The following SDCCAG8 variants were observed in gnomAD, a reference collection of about 807,000 sequenced individuals.
SDCCAG8 encodes SHH signaling and ciliogenesis regulator SDCCAG8, also known as serologically defined colon cancer antigen 8.
Under a neutral mutation model 101.8 loss-of-function variants are expected in SDCCAG8, and 74 were observed. That is an observed-to-expected ratio of 0.73 (90% CI 0.60 to 0.88). The LOEUF (loss-of-function observed/expected upper bound fraction) is 0.88. Among genes scored for constraint, SDCCAG8 ranks in the 40% least tolerant of loss-of-function variants. The pLI is 0.00. For missense variants in SDCCAG8, 787 were observed against 822.6 expected (o/e 0.96, Z 0.53); for synonymous variants, 281 against 292.9 (o/e 0.96, Z 0.41).
rs1054293395 is a variant in SDCCAG8 at position 243,265,909 on chromosome 1, C to A, written c.68-4196C>A. Reference sequence around the variant, plus strand: ...TGCAAATTCTTTCCATATTTTTTTTCTTTTTCCTAATATAGTTTATTAGCT... The same window carrying A: ...TGCAAATTCTTTCCATATTTTTTTTATTTTTCCTAATATAGTTTATTAGCT... On this transcript the variant is annotated intron_variant, in intron 1 of 17. Transcript: ENST00000366541. Among the ~76,000 whole-genome samples, 180 of 149,552 alleles carry A rather than the reference C, an allele frequency of 1.2e-3. 2 individuals carry two copies. Among genetic ancestry groups the A allele is most frequent in the African/African-American group, 4.1e-3 (169 of 40,900 alleles).
intron 17 of SDCCAG8, 141 bp from the exon 18 acceptor site, chr1:243,499,615 A>T: frequency 1.4e-6 from 1 of 731,664 alleles, no homozygotes; most frequent in South Asian, 1.5e-5. Flanking sequence ...AACTTTTCAT[A>T]TAATTTCCAC....
intron 16 of SDCCAG8, among the ~76,000 whole-genome samples, chr1:243,462,561 C>T (rs1450213771): frequency 6.6e-6 from 1 of 152,212 alleles, no homozygotes; most frequent in African/African-American, 2.4e-5. Flanking sequence ...TGTATCCCAA[C>T]GCCCAGTAAA....
chr1:243,262,492 C>T (rs548871389), intron 1 of SDCCAG8, among the ~76,000 whole-genome samples: 4 of 152,232 alleles, frequency 2.6e-5, no homozygotes, highest in Non-Finnish European at 4.4e-5. Flanking sequence ...TTCTTTCCTA[C>T]TACTGATGAG....
chr1:243,289,813 C>A (rs2070041066), intron 5 of SDCCAG8, among the ~76,000 whole-genome samples: 1 of 152,108 alleles, frequency 6.6e-6, no homozygotes, highest in Non-Finnish European at 1.5e-5. Context: ...ACCAAACCAT[C>A]TTTGTTTGCA....
At chr1:243,372,394 G>A (rs1254607997) in intron 12 of SDCCAG8, among the ~76,000 whole-genome samples, 1 of 152,000 alleles carries the variant, frequency 6.6e-6, no homozygotes, top group East Asian at 1.9e-4. Context: ...ATGTTTACTA[G>A]CAGGAATAAA....
chr1:243,386,035 C>T (rs966867670), intron 13 of SDCCAG8, among the ~76,000 whole-genome samples: 3 of 152,186 alleles, frequency 2.0e-5, no homozygotes, highest in Non-Finnish European at 4.4e-5. Context: ...CTACATGTAG[C>T]AGCTCTTTAA....
At chr1:243,357,818 C>A (rs904924240) in intron 12 of SDCCAG8, among the ~76,000 whole-genome samples, 7 of 152,098 alleles carry the variant, frequency 4.6e-5, no homozygotes, top group Non-Finnish European at 8.8e-5. Context: ...TGATTTTCAG[C>A]AAGGATATTA....
chr1:243,385,469 C>G (rs1183904706), intron 13 of SDCCAG8, among the ~76,000 whole-genome samples: 2 of 152,088 alleles, frequency 1.3e-5, no homozygotes, highest in Non-Finnish European at 2.9e-5. Flanking sequence ...AAGGGAGGTT[C>G]TAGAAAAGGA....
chr1:243,354,674 A>T (rs1303680361), intron 12 of SDCCAG8, among the ~76,000 whole-genome samples: 1 of 152,202 alleles, frequency 6.6e-6, no homozygotes, highest in Admixed American at 6.5e-5. Context: ...GTGGATTCCC[A>T]CTAGAGAAAC....
chr1:243,331,814 G>A (rs1212722242), intron 10 of SDCCAG8, among the ~76,000 whole-genome samples: 1 of 152,158 alleles, frequency 6.6e-6, no homozygotes, highest in African/African-American at 2.4e-5. Flanking sequence ...ATTAACCAGA[G>A]GGGCTGGGAA....
chr1:243,333,633 C>T (rs2074786894), intron 10 of SDCCAG8, among the ~76,000 whole-genome samples: 1 of 152,204 alleles, frequency 6.6e-6, no homozygotes, highest in East Asian at 1.9e-4. Flanking sequence ...CATGCCACAG[C>T]CAGTGAAATT....
At chr1:243,338,997 G>T (rs1281155542) in intron 10 of SDCCAG8, 1 of 154,470 alleles carries the variant, frequency 6.5e-6, no homozygotes, top group East Asian at 1.9e-4. Flanking sequence ...AGAAAGTGGG[G>T]TGGGCGGCAG....
intron 16 of SDCCAG8, among the ~76,000 whole-genome samples, chr1:243,485,537 G>A (rs1482418684): frequency 6.6e-6 from 1 of 152,174 alleles, no homozygotes; most frequent in Non-Finnish European, 1.5e-5. Flanking sequence ...AATGAATGAT[G>A]GCAATGAAAT....
intron 1 of SDCCAG8, among the ~76,000 whole-genome samples, chr1:243,263,290 G>C (rs2067328589): frequency 6.6e-6 from 1 of 152,106 alleles, no homozygotes; most frequent in African/African-American, 2.4e-5. Flanking sequence ...CAGAAGCCAG[G>C]GATGCTATTA....
chr1:243,350,193 A>G (rs1237497665), intron 12 of SDCCAG8, among the ~76,000 whole-genome samples: 1 of 152,042 alleles, frequency 6.6e-6, no homozygotes, highest in African/African-American at 2.4e-5. Flanking sequence ...TGCAAGCCCT[A>G]AAAGTCAGTC....
chr1:243,299,918 G>A (rs1169144439), intron 6 of SDCCAG8, among the ~76,000 whole-genome samples: 1 of 149,952 alleles, frequency 6.7e-6, no homozygotes, highest in Non-Finnish European at 1.5e-5. Flanking sequence ...AGGCTGGAGT[G>A]CAATGGAATG....
intron 9 of SDCCAG8, among the ~76,000 whole-genome samples, chr1:243,325,286 G>A (rs575762095): frequency 6.6e-6 from 1 of 152,100 alleles, no homozygotes; most frequent in Non-Finnish European, 1.5e-5. Flanking sequence ...GGAATCTATA[G>A]CATTTTCAGT....
At chr1:243,303,286 C>T (rs534856225) in intron 6 of SDCCAG8, among the ~76,000 whole-genome samples, 9 of 152,244 alleles carry the variant, frequency 5.9e-5, no homozygotes, top group Middle Eastern at 3.4e-3. Context: ...TCTTTTATGA[C>T]GTGGACCCTT....
intron 17 of SDCCAG8, among the ~76,000 whole-genome samples, chr1:243,489,850 CAG>C (rs1665950618): frequency 1.3e-5 from 2 of 152,208 alleles, no homozygotes; most frequent in East Asian, 3.8e-4. Flanking sequence ...GGGCCACCAG[CAG>C]GGAAAAGGGA....
Sources: gnomAD v4.1 joint callset for allele counts (sites outside exome capture counted in the v4.1 genomes callset) on GRCh38, gnomAD v4.1.1 for gene constraint, MANE v1.5 for transcripts, NCBI Gene and HGNC (gene_info 2026-07-23, HGNC 2026-07-21) for gene names.